MSI2: variants seen among roughly 807,000 people sequenced by gnomAD.
MSI2 encodes musashi RNA binding protein 2, also known as RNA-binding protein Musashi homolog 2.
A neutral mutation model predicts 45.6 loss-of-function variants in MSI2; 17 were observed. The observed-to-expected ratio is 0.37, with a 90% CI of 0.26 to 0.56. The LOEUF is 0.56. Ranked by LOEUF, MSI2 falls within the 20% of genes least tolerant of loss-of-function variation. The pLI, the probability that MSI2 is intolerant of heterozygous loss-of-function variation, is 0.77. For synonymous variants in MSI2, 156 were observed against 158.2 expected, an observed-to-expected ratio of 0.99 and a Z score of 0.11; for missense variants, 293 against 444.2, an observed-to-expected ratio of 0.66 and a Z score of 3.06.
intron 5 of MSI2, among the ~76,000 whole-genome samples, chr17:57,268,740 G>A (rs1908071578): frequency 6.6e-6 from 1 of 152,102 alleles, no homozygotes; most frequent in Non-Finnish European, 1.5e-5. Flanking sequence ...GGAGGCTGAG[G>A]CAGAGAATTG....
In MSI2 at chr17:57,542,071, A is replaced by G. The variant is rs1175353757; in HGVS notation, c.454+12347A>G. Among the ~76,000 whole-genome samples the G allele has an allele frequency of 2.6e-5, 4 of 152,238 alleles. No homozygotes were observed. In the South Asian group the frequency reaches 6.2e-4, roughly 24 times the overall value. ...ACTGCCGCTGGAGGTGACATCATCT[A>G]TTCGGGACCCAGAATAGACACAGGA... On this transcript the variant is annotated intron_variant, in intron 7 of 13. Coordinates refer to ENST00000284073, the MANE Select transcript of MSI2 (RefSeq NM_138962.4).
At chr17:57,633,809 C>T (rs1909619268) in intron 10 of MSI2, among the ~76,000 whole-genome samples, 1 of 152,184 alleles carries the variant, frequency 6.6e-6, no homozygotes, top group African/African-American at 2.4e-5. Flanking sequence ...TTGGTAAATG[C>T]TATAAAATTG....
At chr17:57,620,628 G>A (rs1908200583) in intron 9 of MSI2, among the ~76,000 whole-genome samples, 1 of 152,144 alleles carries the variant, frequency 6.6e-6, no homozygotes, top group Non-Finnish European at 1.5e-5. Flanking sequence ...TGGCAACTGC[G>A]GCCTCTTTCT....
intron 10 of MSI2, among the ~76,000 whole-genome samples, chr17:57,640,478 A>G (rs1193708524): frequency 6.6e-6 from 1 of 152,254 alleles, no homozygotes; most frequent in Non-Finnish European, 1.5e-5. Flanking sequence ...CAATAATAAT[A>G]AAAATAGAAA....
At chr17:57,629,576 C>T (rs2333025) in intron 10 of MSI2, 32,346 of 152,240 alleles carry the variant, frequency 0.21, 3,493 homozygotes, top group East Asian at 0.26. Context: ...AAATTTCTTA[C>T]GGGCTGGTGC....
intron 5 of MSI2, among the ~76,000 whole-genome samples, chr17:57,290,652 T>C (rs968266167): frequency 6.6e-6 from 1 of 152,232 alleles, no homozygotes. Context: ...GCCTGGCTCC[T>C]GAGGCTTTAG....
intron 7 of MSI2, among the ~76,000 whole-genome samples, chr17:57,588,864 A>C (rs1386130996): frequency 6.6e-6 from 1 of 152,190 alleles, no homozygotes; most frequent in Non-Finnish European, 1.5e-5. Context: ...GGTGGGCTGC[A>C]GGGGAGAGAA....
At chr17:57,582,078 C>T (rs1284039130) in intron 7 of MSI2, among the ~76,000 whole-genome samples, 3 of 152,118 alleles carry the variant, frequency 2.0e-5, no homozygotes, top group South Asian at 2.1e-4. Flanking sequence ...TCTTGACTCC[C>T]GTGAATTTCT....
chr17:57,437,249 T>C (rs897191914), intron 6 of MSI2, among the ~76,000 whole-genome samples: 1 of 152,216 alleles, frequency 6.6e-6, no homozygotes, highest in Non-Finnish European at 1.5e-5. Context: ...TATCGTGTTG[T>C]AGCTATTTTT....
chr17:57,457,391 C>A lies in MSI2; in HGVS notation c.405+55920C>A, dbSNP rs559441630. On this transcript the variant is annotated intron_variant, in intron 6 of 13. Transcript: ENST00000284073. ...TCCTAAATTAAACATTCCCTAAATG[C>A]AGGACTTCTCAGAGCATTTACTCTG... Among the ~76,000 whole-genome samples, 3 of 152,306 alleles carry A rather than the reference C, an allele frequency of 2.0e-5. No individual in the cohort carries two copies. In the South Asian group the frequency reaches 6.2e-4, roughly 32 times the overall value.
intron 11 of MSI2, among the ~76,000 whole-genome samples, chr17:57,663,547 T>C (rs1398874384): frequency 6.6e-6 from 1 of 152,106 alleles, no homozygotes; most frequent in South Asian, 2.1e-4. Context: ...GTGACAGACA[T>C]AGGATCCAGG....
chr17:57,391,796 C>G (rs2083797200), intron 5 of MSI2, among the ~76,000 whole-genome samples: 2 of 152,288 alleles, frequency 1.3e-5, no homozygotes, highest in South Asian at 4.1e-4. Flanking sequence ...TTTAGAGGGG[C>G]CTCTTTTGTA....
chr17:57,338,754 G>C (rs190196460), intron 5 of MSI2, among the ~76,000 whole-genome samples: 87 of 152,288 alleles, frequency 5.7e-4, no homozygotes, highest in African/African-American at 1.9e-3. Context: ...TGTGGTTTGA[G>C]TTCTACCACA....
At position 57,684,382 on chromosome 17, in the gene MSI2, T is replaced by C. The variant is rs1598525759; in HGVS notation, c.*4865T>C. The C allele has an allele frequency of 5.5e-6, 1 of 181,914 alleles. No homozygotes were observed. The highest frequency in any genetic ancestry group is 1.2e-5 in the Non-Finnish European group (1 of 85,268). The allele number at this position is 181,914 out of a possible 1,614,324, so 11.3% of individuals were successfully genotyped here. On this transcript the variant is annotated 3_prime_UTR_variant, in exon 14 of 14. Coordinates refer to ENST00000284073, the MANE Select transcript of MSI2 (RefSeq NM_138962.4). ...TGACCTCACCCTTACTTTTATACTT[T>C]AGTATGAAACTGATGAGAACTTTGG...
intron 5 of MSI2, among the ~76,000 whole-genome samples, chr17:57,309,483 C>T (rs1460327020): frequency 6.6e-6 from 1 of 152,118 alleles, no homozygotes; most frequent in Non-Finnish European, 1.5e-5. Context: ...ATATCCCTAC[C>T]ATGGGGAAAC....
chr17:57,364,243 GAC>G (rs1917026868), intron 5 of MSI2, among the ~76,000 whole-genome samples: 1 of 152,212 alleles, frequency 6.6e-6, no homozygotes, highest in Admixed American at 6.5e-5. Context: ...TGGGTTTGGA[GAC>G]ACAGTCCCTC....
chr17:57,614,539 T>A (rs994025158), intron 8 of MSI2, among the ~76,000 whole-genome samples: 2 of 152,192 alleles, frequency 1.3e-5, no homozygotes, highest in African/African-American at 4.8e-5. Flanking sequence ...ACCTGTTTCT[T>A]GTCTTTTCTC....
chr17:57,562,184 A>G (rs1024181672), intron 7 of MSI2, among the ~76,000 whole-genome samples: 1 of 152,172 alleles, frequency 6.6e-6, no homozygotes, highest in African/African-American at 2.4e-5. Flanking sequence ...CTGCCCATCC[A>G]TCCATCCTTA....
At chr17:57,432,114 G>GA (rs879329159) in intron 6 of MSI2, among the ~76,000 whole-genome samples, 1 of 152,106 alleles carries the variant, frequency 6.6e-6, no homozygotes, top group South Asian at 2.1e-4. Flanking sequence ...TATTAAGCTT[G>GA]AAAAAAATTG....
Sources: gnomAD v4.1 joint callset for allele counts (sites outside exome capture counted in the v4.1 genomes callset) on GRCh38, gnomAD v4.1.1 for gene constraint, MANE v1.5 for transcripts, NCBI Gene and HGNC (gene_info 2026-07-23, HGNC 2026-07-21) for gene names.